MAP4K4: variants seen among roughly 807,000 people sequenced by gnomAD.
The protein encoded by MAP4K4 is HPK/GCK-like kinase HGK.
MAP4K4 carries 38 observed loss-of-function variants against 189.6 expected under a neutral mutation model. That is an observed-to-expected ratio of 0.20 (90% confidence interval 0.15 to 0.26). The LOEUF is 0.26. Among genes scored for constraint, MAP4K4 ranks in the 10% least tolerant of loss-of-function variants. The pLI is 1.00. For synonymous variants in MAP4K4, 610 were observed against 624.3 expected, an observed-to-expected ratio of 0.98 and a Z score of 0.34; for missense variants, 1,054 against 1,726.9, an observed-to-expected ratio of 0.61 and a Z score of 6.91.
intron 27 of MAP4K4, among the ~76,000 whole-genome samples, chr2:101,879,235 A>G (rs2098307773): frequency 6.8e-6 from 1 of 147,862 alleles, no homozygotes; most frequent in Non-Finnish European, 1.5e-5. Context: ...AATTATAATC[A>G]GCTGATACCA....
intron 2 of MAP4K4, among the ~76,000 whole-genome samples, chr2:101,778,263 C>T (rs1271719411): frequency 2.0e-5 from 3 of 152,142 alleles, no homozygotes; most frequent in South Asian, 2.1e-4. Context: ...TAGGCAGTTC[C>T]GTAGGGCTGT....
At chr2:101,747,666 T>C (rs1238781282) in intron 2 of MAP4K4, among the ~76,000 whole-genome samples, 1 of 152,198 alleles carries the variant, frequency 6.6e-6, no homozygotes, top group African/African-American at 2.4e-5. Flanking sequence ...ATTTATCTCT[T>C]TTTCCTTCCA....
intron 32 of MAP4K4, 59 bp from the exon 33 acceptor site, chr2:101,891,107 C>A: frequency 7.4e-7 from 1 of 1,356,200 alleles, no homozygotes; most frequent in Non-Finnish European, 1.1e-6. Context: ...CTTAGATTCC[C>A]TGGCTGGAAG....
At chr2:101,819,406 G>T (rs2095905845) in intron 3 of MAP4K4, among the ~76,000 whole-genome samples, 1 of 152,224 alleles carries the variant, frequency 6.6e-6, no homozygotes, top group African/African-American at 2.4e-5. Context: ...AGCCATGGCA[G>T]ATTCTGTATT....
At chr2:101,886,692 GGCTCAGTAATT>G (rs2098487108) in intron 29 of MAP4K4, among the ~76,000 whole-genome samples, 1 of 152,154 alleles carries the variant, frequency 6.6e-6, no homozygotes, top group Admixed American at 6.5e-5. Context: ...TTGCCAGTGT[GGCTCAGTAATT>G]GCATAACTGA....
intron 2 of MAP4K4, among the ~76,000 whole-genome samples, chr2:101,788,836 G>C (rs2092277494): frequency 6.6e-6 from 1 of 151,886 alleles, no homozygotes; most frequent in African/African-American, 2.4e-5. Context: ...ATTTTCTGTT[G>C]CTCCTTATGG....
chr2:101,741,247 A>C (rs1164254699), intron 2 of MAP4K4, among the ~76,000 whole-genome samples: 1 of 148,890 alleles, frequency 6.7e-6, no homozygotes, highest in East Asian at 2.0e-4. Context: ...GGCTCACTGC[A>C]AGCTCCGCCT....
intron 9 of MAP4K4, 79 bp from the exon 10 acceptor site, chr2:101,839,740 T>C: frequency 9.2e-7 from 1 of 1,086,888 alleles, no homozygotes; most frequent in Non-Finnish European, 1.3e-6. Context: ...CTTCTTTATG[T>C]TGAGGCTTGT....
chr2:101,746,606 A>G (rs1457346305), intron 2 of MAP4K4, among the ~76,000 whole-genome samples: 1 of 152,102 alleles, frequency 6.6e-6, no homozygotes, highest in African/African-American at 2.4e-5. Flanking sequence ...CTTGCTATAA[A>G]AATGTTGTCT....
At chr2:101,802,797 T>G (rs1275477280) in intron 3 of MAP4K4, among the ~76,000 whole-genome samples, 1 of 152,168 alleles carries the variant, frequency 6.6e-6, no homozygotes. Context: ...TGTCTGTTTT[T>G]TTTTTGAGAT....
intron 2 of MAP4K4, among the ~76,000 whole-genome samples, chr2:101,779,888 G>T (rs1339905759): frequency 6.6e-6 from 1 of 151,454 alleles, no homozygotes; most frequent in African/African-American, 2.4e-5. Flanking sequence ...GGCAAATTAA[G>T]AGCTGTGTAC....
At chr2:101,719,738 G>A (rs2050584540) in intron 2 of MAP4K4, among the ~76,000 whole-genome samples, 1 of 152,336 alleles carries the variant, frequency 6.6e-6, no homozygotes, top group Non-Finnish European at 1.5e-5. Flanking sequence ...GGGGCCAGGC[G>A]TGGTGGCTCA....
At chr2:101,700,193 G>C (rs962914937) in intron 2 of MAP4K4, among the ~76,000 whole-genome samples, 3 of 152,194 alleles carry the variant, frequency 2.0e-5, no homozygotes, top group Admixed American at 2.0e-4. Context: ...TAAACCTTAA[G>C]AGAAAGGAAA....
Position 101,859,870 on chromosome 2 carries a change from C to G in MAP4K4, c.1704+6C>G. 1 of 1,590,450 alleles carries G rather than the reference C, an allele frequency of 6.3e-7. No individual in the cohort carries two copies. The highest frequency in any genetic ancestry group is 1.1e-5 in the South Asian group (1 of 87,026). Reference sequence around the variant, plus strand: ...CTGCTGACCGAGCGCGAGAGGTATCCTCTTTCCTTTGTCACTTAGACATTG... The same window carrying G: ...CTGCTGACCGAGCGCGAGAGGTATCGTCTTTCCTTTGTCACTTAGACATTG... On this transcript the variant is annotated splice_donor_region_variant and intron_variant, in intron 15 of 32. Coordinates refer to ENST00000324219, the Ensembl canonical transcript of MAP4K4.
At chr2:101,834,373 C>A in intron 7 of MAP4K4, 36 bp from the exon 8 acceptor site, 1 of 1,519,156 alleles carries the variant, frequency 6.6e-7, no homozygotes, top group Non-Finnish European at 9.0e-7. Flanking sequence ...TTTGTATCTA[C>A]TCCAGTATCT....
At chr2:101,742,830 A>G (rs1469273095) in intron 2 of MAP4K4, among the ~76,000 whole-genome samples, 3 of 152,146 alleles carry the variant, frequency 2.0e-5, no homozygotes, top group African/African-American at 7.2e-5. Context: ...TATCTCCATA[A>G]ATAGAGTAGC....
chr2:101,711,916 A>G (rs1365240527), intron 2 of MAP4K4, among the ~76,000 whole-genome samples: 1 of 130,670 alleles, frequency 7.7e-6, no homozygotes, highest in Non-Finnish European at 1.7e-5. Flanking sequence ...TATACTGTTT[A>G]TTTTCTTGCT....
chr2:101,773,019 G>A (rs561694213), intron 2 of MAP4K4, among the ~76,000 whole-genome samples: 1 of 152,256 alleles, frequency 6.6e-6, no homozygotes, highest in Non-Finnish European at 1.5e-5. Flanking sequence ...TCTTCACATT[G>A]GTGTAGGGTA....
chr2:101,820,847 C>G (rs2096008097), intron 3 of MAP4K4, among the ~76,000 whole-genome samples: 1 of 152,182 alleles, frequency 6.6e-6, no homozygotes, highest in African/African-American at 2.4e-5. Flanking sequence ...CTGGTCGCTA[C>G]TGCTCGTTAC....
Sources: gnomAD v4.1 joint callset for allele counts (sites outside exome capture counted in the v4.1 genomes callset) on GRCh38, gnomAD v4.1.1 for gene constraint, MANE v1.5 for transcripts, NCBI Gene and HGNC (gene_info 2026-07-23, HGNC 2026-07-21) for gene names.